Variants in PCDHGC5 observed in about 807,000 individuals in gnomAD.
PCDHGC5 encodes the protein protocadherin gamma subfamily C, 5, also known as protocadherin gamma-C5.
Under a neutral mutation model 59.0 loss-of-function variants are expected in PCDHGC5, and 25 were observed. The observed-to-expected ratio is 0.42, with a 90% CI of 0.31 to 0.59. PCDHGC5 has a LOEUF of 0.59. Among genes scored for constraint, PCDHGC5 ranks in the 20% least tolerant of loss-of-function variants. The probability of loss-of-function intolerance (pLI) is 0.13; values close to 1 mark genes in which losing one functional copy is unlikely to be tolerated. For synonymous variants in PCDHGC5, 434 were observed against 505.5 expected, an observed-to-expected ratio of 0.86 and a Z score of 1.90; for missense variants, 1,067 against 1,206.4, an observed-to-expected ratio of 0.88 and a Z score of 1.71.
chr5:141,504,963 AC>A (rs1409940135), intron 2 of PCDHGC5, among the ~76,000 whole-genome samples: 1 of 152,038 alleles, frequency 6.6e-6, no homozygotes, highest in Non-Finnish European at 1.5e-5. Context: ...AATGCATTGG[AC>A]CAGCCTGGCC....
chr5:141,503,161 T>C (rs1035413931), intron 2 of PCDHGC5, among the ~76,000 whole-genome samples: 3 of 152,054 alleles, frequency 2.0e-5, no homozygotes, highest in Admixed American at 1.3e-4. Context: ...AGTATCACAA[T>C]TGCAATTACT....
intron 2 of PCDHGC5, among the ~76,000 whole-genome samples, chr5:141,500,881 T>G (rs940387787): frequency 1.0e-5 from 1 of 99,136 alleles, no homozygotes; most frequent in Non-Finnish European, 1.9e-5. Context: ...TTTACAATTT[T>G]TTTTTTTTGA....
Position 141,493,477 on chromosome 5 carries a change from G to A in PCDHGC5, c.2461-1330G>A, listed in dbSNP as rs1657824440. On this transcript the variant is annotated intron_variant, in intron 1 of 3. Transcript: ENST00000252087. This position sits in a 1 kb window ranked among gnomAD's most constrained non-coding sequence, Gnocchi z 4.3. ...TTCCCTTTTAGGACCTTACATGTGG[G>A]GAAAGTCTTCTGTGGCTCCTCATTT... is the stretch of plus-strand genomic sequence containing the variant. Among the ~76,000 whole-genome samples, 3 of 152,124 alleles carry A rather than the reference G, an allele frequency of 2.0e-5. No individual in the cohort carries two copies. The highest frequency in any genetic ancestry group is 6.5e-5 in the Admixed American group (1 of 15,272).
Position 141,491,730 on chromosome 5 carries a change from C to G in PCDHGC5, c.2460+30C>G, listed in dbSNP as rs1346666614. 1 of 1,603,920 alleles carries G rather than the reference C, an allele frequency of 6.2e-7. No homozygotes were observed. Among genetic ancestry groups the G allele is most frequent in the Non-Finnish European group, 8.5e-7 (1 of 1,175,836 alleles). ...GGGGCTCGGCGCCGCCCCGGGCGAC[C>G]CCTGGGGGCGGCACTGGAGAAGCCG... On this transcript the variant is annotated intron_variant, in intron 1 of 3. Coordinates refer to ENST00000252087, the MANE Select transcript of PCDHGC5 (RefSeq NM_018929.3). The surrounding 1 kb of genome is among the most constrained non-coding windows in gnomAD (Gnocchi z 6.9).
chr5:141,505,026 G>T (rs190826538), intron 2 of PCDHGC5, among the ~76,000 whole-genome samples: 1 of 152,198 alleles, frequency 6.6e-6, no homozygotes, highest in South Asian at 2.1e-4. Context: ...GCCTGGCACA[G>T]TGGCAGGTGC....
Position 141,510,362 on chromosome 5 carries a change from C to T in PCDHGC5, c.2609-585C>T, listed in dbSNP as rs74321279. Among the ~76,000 whole-genome samples the T allele has an allele frequency of 2.0e-4, 29 of 142,136 alleles. No homozygotes were observed. In the East Asian group the frequency reaches 5.7e-3, roughly 28 times the overall value. The allele number at this position is 142,136 out of a possible 152,430, so 93.2% of individuals were successfully genotyped here. A position where few individuals can be genotyped will look rare whatever the true frequency, so the allele number is the denominator to read the frequency against. On this transcript the variant is annotated intron_variant, in intron 3 of 3. Coordinates refer to ENST00000252087, the MANE Select transcript of PCDHGC5 (RefSeq NM_018929.3). ...CCCACACACTTACTAACGGAACTAC[C>T]GAATCTCTACTCGTGCCAGGCCTTG... is the stretch of plus-strand genomic sequence containing the variant.
In PCDHGC5 at chr5:141,489,844, C is replaced by G. The variant is rs1004902910; in HGVS notation, c.604C>G (p.Arg202Gly). The part of the protein sequence containing the change: ...PELVLEQQLD[R>G]EAQARHQLVL... Reference sequence around the variant, plus strand: ...GCTGGTGCTAGAGCAGCAGCTGGATCGTGAAGCCCAGGCAAGACATCAGCT... The same window carrying G: ...GCTGGTGCTAGAGCAGCAGCTGGATGGTGAAGCCCAGGCAAGACATCAGCT... The change falls in exon 1 of 4, where the codon CGT becomes GGT. Residue 202 changes from arginine (R) to glycine (G), a missense_variant. Physicochemically the swap from Arg to Gly is moderately radical, Grantham distance 125. Coordinates refer to ENST00000252087, the MANE Select transcript of PCDHGC5 (RefSeq NM_018929.3). The surrounding 1 kb of genome is among the most constrained non-coding windows in gnomAD (Gnocchi z 4.5). The G allele has an allele frequency of 1.2e-6, 2 of 1,614,030 alleles. No individual in the cohort carries two copies. Among genetic ancestry groups the G allele is most frequent in the Non-Finnish European group, 8.5e-7 (1 of 1,179,990 alleles).
chr5:141,490,345 G>GT lies in PCDHGC5; in HGVS notation c.1106dup (p.Leu371ValfsTer3), dbSNP rs1363310763. The GT allele has an allele frequency of 6.2e-7, 1 of 1,614,216 alleles. No individual in the cohort carries two copies. The highest frequency in any genetic ancestry group is 2.2e-5 in the East Asian group (1 of 44,886). ...AGAGAGCACACCAGTGGGCACAGTAGTGGGGTTGTTTAATGTGCGAGACCG... is the reference window on the plus strand; with the variant it reads ...AGAGAGCACACCAGTGGGCACAGTAGTTGGGGTTGTTTAATGTGCGAGACCG... On this transcript the variant is annotated frameshift_variant, in exon 1 of 4. Transcript: ENST00000252087. LOFTEE classifies it high-confidence loss of function. This position sits in a 1 kb window ranked among gnomAD's most constrained non-coding sequence, Gnocchi z 5.4.
chr5:141,496,984 G>C (rs938752499), intron 2 of PCDHGC5, among the ~76,000 whole-genome samples: 1 of 151,896 alleles, frequency 6.6e-6, no homozygotes, highest in Admixed American at 6.6e-5. Context: ...TCAGGGGTTT[G>C]AGACCAGCCT....
At chr5:141,510,860 G>A (rs1274817106) in intron 3 of PCDHGC5, 87 bp from the exon 4 acceptor site, 11 of 1,606,558 alleles carry the variant, frequency 6.8e-6, no homozygotes, top group South Asian at 4.4e-5. Context: ...GTGCTGTATA[G>A]GCATTCATTA....
chr5:141,491,800 C>G lies in PCDHGC5; in HGVS notation c.2460+100C>G. The G allele has an allele frequency of 6.7e-7, 1 of 1,500,854 alleles. No individual in the cohort carries two copies. The highest frequency in any genetic ancestry group is 8.9e-7 in the Non-Finnish European group (1 of 1,125,316). 93.0% of individuals were successfully genotyped at this position (1,500,854 alleles called of 1,614,324 possible). A position where few individuals can be genotyped will look rare whatever the true frequency, so the allele number is the denominator to read the frequency against. ...GAACTTGCATCCACTCCTCTCCGGC[C>G]GGCTTGGTCGCTGGCTGCGCTCCAC... On this transcript the variant is annotated intron_variant, in intron 1 of 3. Transcript: ENST00000252087. The surrounding 1 kb of genome is among the most constrained non-coding windows in gnomAD (Gnocchi z 6.9).
chr5:141,491,980 C>T lies in PCDHGC5; in HGVS notation c.2460+280C>T. ...AAAAAAGGCCGGGGCCTCCTTCGAG[C>T]TTCCGGTGAATTTCGGGCGATTTCC... On this transcript the variant is annotated intron_variant, in intron 1 of 3. Transcript: ENST00000252087. The surrounding 1 kb of genome is among the most constrained non-coding windows in gnomAD (Gnocchi z 6.9). The T allele has an allele frequency of 2.5e-6, 2 of 784,432 alleles. No individual in the cohort carries two copies. The highest frequency in any genetic ancestry group is 3.8e-6 in the Non-Finnish European group (2 of 530,588). 48.6% of individuals were successfully genotyped at this position (784,432 alleles called of 1,614,324 possible). A position where few individuals can be genotyped will look rare whatever the true frequency, so the allele number is the denominator to read the frequency against.
In PCDHGC5 at chr5:141,489,185, T is replaced by G; in HGVS notation, c.-56T>G. The G allele has an allele frequency of 7.8e-7, 1 of 1,286,838 alleles. No individual in the cohort carries two copies. The highest frequency in any genetic ancestry group is 1.5e-5 in the African/African-American group (1 of 67,216). 79.7% of individuals were successfully genotyped at this position (1,286,838 alleles called of 1,614,324 possible). On this transcript the variant is annotated 5_prime_UTR_variant, in exon 1 of 4. Transcript: ENST00000252087. The surrounding 1 kb of genome is among the most constrained non-coding windows in gnomAD (Gnocchi z 4.5). The stretch of plus-strand genomic sequence containing the variant: ...CAGCTGCTGCATTCCAAGCCCTGGG[T>G]CTACCTTGGAGACAGGACAGCACAG...
intron 2 of PCDHGC5, among the ~76,000 whole-genome samples, chr5:141,503,448 C>T (rs765046868): frequency 2.0e-5 from 3 of 151,808 alleles, no homozygotes; most frequent in South Asian, 2.1e-4. Context: ...TACAAAAATT[C>T]GCTGGGCATG....
chr5:141,498,994 AAGG>A (rs1310594976), intron 2 of PCDHGC5, among the ~76,000 whole-genome samples: 4 of 148,560 alleles, frequency 2.7e-5, no homozygotes, highest in Non-Finnish European at 4.5e-5. Flanking sequence ...GGAAGGAAGG[AAGG>A]AAGGAAGGAA....
chr5:141,491,148 G>A lies in PCDHGC5; in HGVS notation c.1908G>A (p.Glu636=). The A allele has an allele frequency of 6.8e-6, 11 of 1,614,140 alleles. No homozygotes were observed. The highest frequency in any genetic ancestry group is 9.3e-6 in the Non-Finnish European group (11 of 1,179,990). The stretch of plus-strand genomic sequence containing the variant: ...TGCGCACAGCCCGGGCCTTACTGGA[G>A]GATGACTCTGACACCCAGCAGGTGG... ...GEVRTARALL[E]DDSDTQQVVV... Residue 636 remains glutamate, a synonymous_variant, in exon 1 of 4, where the codon GAG becomes GAA. Transcript: ENST00000252087. The surrounding 1 kb of genome is among the most constrained non-coding windows in gnomAD (Gnocchi z 6.9).
At chr5:141,510,850 G>A in intron 3 of PCDHGC5, 97 bp from the exon 4 acceptor site, 4 of 1,599,444 alleles carry the variant, frequency 2.5e-6, no homozygotes, top group South Asian at 1.1e-5. Context: ...AAGGCCCAGG[G>A]TGCTGTATAG....
At position 141,489,774 on chromosome 5, in the gene PCDHGC5, C is replaced by T; in HGVS notation, c.534C>T (p.Phe178=). The T allele has an allele frequency of 1.2e-6, 2 of 1,614,164 alleles. No homozygotes were observed. Among genetic ancestry groups the T allele is most frequent in the Non-Finnish European group, 8.5e-7 (1 of 1,179,998 alleles). The change falls in exon 1 of 4, where the codon TTC becomes TTT. Residue 178 remains phenylalanine (F), a synonymous_variant. Transcript: ENST00000252087. The surrounding 1 kb of genome is among the most constrained non-coding windows in gnomAD (Gnocchi z 4.5). The stretch of plus-strand genomic sequence containing the variant: ...ACACTCTAAGCCCCAACAGCCACTT[C>T]TCTCTGAATGTGAAGACCCTAAAAG... ...SFYTLSPNSH[F]SLNVKTLKDG...
chr5:141,491,034 T>A lies in PCDHGC5; in HGVS notation c.1794T>A (p.Asp598Glu). Residue 598 changes from aspartate (D) to glutamate (E), a missense_variant, in exon 1 of 4, where the codon GAT (aspartate) becomes GAA (glutamate). Coordinates refer to ENST00000252087, the MANE Select transcript of PCDHGC5 (RefSeq NM_018929.3). This position sits in a 1 kb window ranked among gnomAD's most constrained non-coding sequence, Gnocchi z 6.9. ...LVTKVTAVDADAGHNAWLSYS... is the reference protein window; with the variant it reads ...LVTKVTAVDAEAGHNAWLSYS... ...CCAAGGTGACAGCCGTGGATGCTGA[T>A]GCAGGCCACAATGCGTGGCTCTCCT... 1 of 1,614,170 alleles carries A rather than the reference T, an allele frequency of 6.2e-7. No individual in the cohort carries two copies. Among genetic ancestry groups the A allele is most frequent in the African/African-American group, 1.3e-5 (1 of 75,074 alleles).
Sources: gnomAD v4.1 joint callset for allele counts (sites outside exome capture counted in the v4.1 genomes callset) on GRCh38, gnomAD v4.1.1 for gene constraint, Gnocchi (gnomAD v3.1) non-coding constraint, MANE v1.5 for transcripts, NCBI Gene and HGNC (gene_info 2026-07-23, HGNC 2026-07-21) for gene names.